CCSER1: variants seen among roughly 807,000 people sequenced by gnomAD.
CCSER1 encodes the protein serine-rich coiled-coil domain-containing protein 1.
A neutral mutation model predicts 82.0 loss-of-function variants in CCSER1; 41 were observed. That is an observed-to-expected ratio of 0.50 (90% CI 0.39 to 0.65). The LOEUF (loss-of-function observed/expected upper bound fraction) is 0.65. Ranked by LOEUF, CCSER1 falls within the 30% of genes least tolerant of loss-of-function variation. The pLI is 0.00. For missense variants in CCSER1, 1,119 were observed against 1,064.2 expected (o/e 1.05, Z -0.72); for synonymous variants, 414 against 383.9 (o/e 1.08, Z -0.92).
At chr4:90,584,644 G>A (rs772069875) in intron 5 of CCSER1, among the ~76,000 whole-genome samples, 9 of 152,118 alleles carry the variant, frequency 5.9e-5, no homozygotes, top group African/African-American at 1.2e-4. Context: ...AGACTAATAC[G>A]CTTCCTATAA....
At chr4:91,440,637 A>G (rs1004366449) in intron 10 of CCSER1, among the ~76,000 whole-genome samples, 1 of 152,284 alleles carries the variant, frequency 6.6e-6, no homozygotes, top group South Asian at 2.1e-4. Context: ...AACTGAAGGA[A>G]ATAGAGACAC....
chr4:90,463,699 C>T (rs559559502), intron 4 of CCSER1, among the ~76,000 whole-genome samples: 1 of 151,968 alleles, frequency 6.6e-6, no homozygotes, highest in Non-Finnish European at 1.5e-5. Flanking sequence ...TAATAGTAAA[C>T]TATTTTGGTG....
chr4:91,035,168 A>G (rs1022263097), intron 9 of CCSER1, among the ~76,000 whole-genome samples: 17 of 152,206 alleles, frequency 1.1e-4, no homozygotes, highest in Non-Finnish European at 1.9e-4. Context: ...TACTTCAAAT[A>G]TGTCATAAGA....
At chr4:90,329,259 C>T (rs544556777) in intron 3 of CCSER1, among the ~76,000 whole-genome samples, 8 of 151,912 alleles carry the variant, frequency 5.3e-5, no homozygotes, top group African/African-American at 1.9e-4. Flanking sequence ...GGACACTGAA[C>T]TCCAATGTTA....
chr4:91,029,812 G>T (rs946981399), intron 9 of CCSER1, among the ~76,000 whole-genome samples: 1 of 152,040 alleles, frequency 6.6e-6, no homozygotes, highest in Admixed American at 6.6e-5. Flanking sequence ...ATTTAGAACA[G>T]TACTGTAAGT....
chr4:90,277,239 G>A (rs1427589193), intron 1 of CCSER1, among the ~76,000 whole-genome samples: 3 of 152,096 alleles, frequency 2.0e-5, no homozygotes, highest in Non-Finnish European at 2.9e-5. Context: ...ATACTGCCCA[G>A]AGCAATTTAT....
intron 5 of CCSER1, among the ~76,000 whole-genome samples, chr4:90,583,630 C>T (rs1781665461): frequency 6.6e-6 from 1 of 151,942 alleles, no homozygotes; most frequent in Non-Finnish European, 1.5e-5. Context: ...AATTTTTTTG[C>T]AGGGAAGTAT....
chr4:90,369,679 A>G (rs1221585626), intron 3 of CCSER1, among the ~76,000 whole-genome samples: 2 of 151,924 alleles, frequency 1.3e-5, no homozygotes, highest in Non-Finnish European at 2.9e-5. Flanking sequence ...ATCACAGGAG[A>G]AAACTACATG....
intron 4 of CCSER1, among the ~76,000 whole-genome samples, chr4:90,414,886 A>C (rs776237834): frequency 2.0e-5 from 3 of 152,122 alleles, no homozygotes; most frequent in Non-Finnish European, 2.9e-5. Context: ...TTCTTTATGT[A>C]GTTTCACATT....
At chr4:90,338,129 C>T (rs1412017789) in intron 3 of CCSER1, among the ~76,000 whole-genome samples, 2 of 152,186 alleles carry the variant, frequency 1.3e-5, no homozygotes, top group African/African-American at 4.8e-5. Context: ...GTCACATTCA[C>T]TGCTAGTTTT....
chr4:90,390,970 G>C (rs1750898172), intron 3 of CCSER1, among the ~76,000 whole-genome samples: 1 of 151,630 alleles, frequency 6.6e-6, no homozygotes, highest in Non-Finnish European at 1.5e-5. Flanking sequence ...CTTTTTAATA[G>C]TGGCCCTTCT....
chr4:90,848,071 A>G (rs1468305390), intron 8 of CCSER1, among the ~76,000 whole-genome samples: 2 of 152,144 alleles, frequency 1.3e-5, no homozygotes, highest in Admixed American at 6.5e-5. Flanking sequence ...GGATTTTTTT[A>G]TGTTTGCTGC....
intron 10 of CCSER1, among the ~76,000 whole-genome samples, chr4:91,257,577 G>C (rs1335402928): frequency 2.0e-5 from 3 of 151,254 alleles, no homozygotes; most frequent in African/African-American, 7.3e-5. Flanking sequence ...CGTTTAAATG[G>C]CTTCTTAAAA....
intron 5 of CCSER1, among the ~76,000 whole-genome samples, chr4:90,565,495 G>T (rs1026812252): frequency 6.6e-6 from 1 of 152,070 alleles, no homozygotes; most frequent in African/African-American, 2.4e-5. Flanking sequence ...CAATTTAGAT[G>T]ATTTTTATTT....
intron 6 of CCSER1, among the ~76,000 whole-genome samples, chr4:90,700,511 G>A (rs1166599441): frequency 1.3e-5 from 2 of 152,184 alleles, no homozygotes; most frequent in African/African-American, 4.8e-5. Context: ...CCCAGTAATG[G>A]AATGGCTGGG....
chr4:90,750,971 C>A (rs17017507), intron 7 of CCSER1, among the ~76,000 whole-genome samples: 40,485 of 151,914 alleles, frequency 0.27, 5,999 homozygotes, highest in East Asian at 0.34. Flanking sequence ...AAATATCAGA[C>A]CTTTATTAGT....
chr4:91,220,072 C>T (rs1301784534), intron 10 of CCSER1, among the ~76,000 whole-genome samples: 1 of 152,156 alleles, frequency 6.6e-6, no homozygotes, highest in African/African-American at 2.4e-5. Flanking sequence ...CACTTCCCTC[C>T]CGAGTCACTT....
intron 3 of CCSER1, among the ~76,000 whole-genome samples, chr4:90,391,009 A>G (rs1358948321): frequency 6.6e-6 from 1 of 151,260 alleles, no homozygotes. Flanking sequence ...CATGCCTGTA[A>G]TCCCAGCACT....
chr4:90,167,219 CTG>C (rs1422860812), intron 1 of CCSER1, among the ~76,000 whole-genome samples: 2 of 151,980 alleles, frequency 1.3e-5, no homozygotes, highest in Admixed American at 6.6e-5. Flanking sequence ...TTAAAAATAT[CTG>C]TGTCTCATTT....
Sources: allele counts gnomAD v4.1 joint callset (sites outside exome capture counted in the v4.1 genomes callset), GRCh38; gene constraint gnomAD v4.1.1; transcripts MANE v1.5; gene names NCBI Gene and HGNC (gene_info 2026-07-23, HGNC 2026-07-21).